GFRA1: variants seen among roughly 807,000 people sequenced by gnomAD.
The protein encoded by GFRA1 is GDNF family receptor alpha 1, also known as GDNF family receptor alpha-1.
Under a neutral mutation model 51.6 loss-of-function variants are expected in GFRA1, and 16 were observed. The ratio of observed to expected loss-of-function variants is 0.31; its 90% CI spans 0.21 to 0.47. The LOEUF is 0.47. Ranked by LOEUF, GFRA1 falls within the 20% of genes least tolerant of loss-of-function variation. The pLI is 1.00. For missense variants in GFRA1, 530 were observed against 594.3 expected, an observed-to-expected ratio of 0.89 and a Z score of 1.13; for synonymous variants, 270 against 241.3, an observed-to-expected ratio of 1.12 and a Z score of -1.10.
chr10:116,120,549 C>T (rs1191599624), intron 6 of GFRA1, among the ~76,000 whole-genome samples: 8 of 152,288 alleles, frequency 5.3e-5, no homozygotes, highest in African/African-American at 1.7e-4. Context: ...TGCAACACTG[C>T]ACTCCAGCCT....
intron 9 of GFRA1, among the ~76,000 whole-genome samples, chr10:116,082,848 C>T (rs1331174473): frequency 6.6e-6 from 1 of 152,142 alleles, no homozygotes; most frequent in Non-Finnish European, 1.5e-5. Context: ...CTCTGTGGCC[C>T]CCCTGCTCCT....
At chr10:116,105,706 A>G (rs1331227415) in intron 6 of GFRA1, among the ~76,000 whole-genome samples, 4 of 152,218 alleles carry the variant, frequency 2.6e-5, no homozygotes, top group Admixed American at 6.5e-5. Context: ...TGAAAACTAC[A>G]TATTTGGTTC....
At chr10:116,067,770 A>T (rs540778346) in intron 9 of GFRA1, among the ~76,000 whole-genome samples, 1 of 152,274 alleles carries the variant, frequency 6.6e-6, no homozygotes, top group East Asian at 1.9e-4. Flanking sequence ...GGAGGGTTTC[A>T]CACTACATTC....
chr10:116,239,066 C>CAGAG (rs1967138423), intron 4 of GFRA1, among the ~76,000 whole-genome samples: 1 of 152,144 alleles, frequency 6.6e-6, no homozygotes, highest in South Asian at 2.1e-4. Context: ...CCAAGGTGAC[C>CAGAG]AGAGACAGAG....
At chr10:116,267,745 C>G (rs1969776154) in intron 4 of GFRA1, among the ~76,000 whole-genome samples, 1 of 152,138 alleles carries the variant, frequency 6.6e-6, no homozygotes, top group South Asian at 2.1e-4. Flanking sequence ...CCCAGGAGAG[C>G]TTAGGTGGTC....
At chr10:116,161,057 T>C (rs953282203) in intron 5 of GFRA1, among the ~76,000 whole-genome samples, 5 of 152,172 alleles carry the variant, frequency 3.3e-5, no homozygotes, top group African/African-American at 1.2e-4. Context: ...AGGAGGAGCC[T>C]GGGAGGCAGA....
chr10:116,192,736 G>A (rs867765127), intron 5 of GFRA1, among the ~76,000 whole-genome samples: 4 of 152,102 alleles, frequency 2.6e-5, no homozygotes, highest in Non-Finnish European at 4.4e-5. Flanking sequence ...ATGGGAGTGC[G>A]GGGCTGAACC....
intron 6 of GFRA1, among the ~76,000 whole-genome samples, chr10:116,115,609 C>G (rs976948539): frequency 1.3e-5 from 2 of 152,174 alleles, no homozygotes; most frequent in African/African-American, 2.4e-5. Context: ...GATTTCCCCA[C>G]GCGAAGATGA....
intron 4 of GFRA1, among the ~76,000 whole-genome samples, chr10:116,261,703 T>C (rs1969315119): frequency 6.6e-6 from 1 of 152,176 alleles, no homozygotes; most frequent in Admixed American, 6.5e-5. Flanking sequence ...ATGAATAAAA[T>C]GCTAGAAAGA....
intron 4 of GFRA1, among the ~76,000 whole-genome samples, chr10:116,241,859 TA>T (rs1967409467): frequency 6.6e-6 from 1 of 152,156 alleles, no homozygotes; most frequent in African/African-American, 2.4e-5. Context: ...CAGCCATTCT[TA>T]CTGGAAGGCA....
intron 4 of GFRA1, among the ~76,000 whole-genome samples, chr10:116,241,816 C>A (rs1967404581): frequency 6.6e-6 from 1 of 152,140 alleles, no homozygotes; most frequent in Non-Finnish European, 1.5e-5. Flanking sequence ...AAGGAAGTTT[C>A]AACACTAAGA....
chr10:116,210,194 C>T (rs2134437661), intron 5 of GFRA1, among the ~76,000 whole-genome samples: 1 of 152,246 alleles, frequency 6.6e-6, no homozygotes, highest in African/African-American at 2.4e-5. Flanking sequence ...TTACAACCAC[C>T]ATGAACGCTC....
chr10:116,127,046 A>C (rs1418669163), intron 5 of GFRA1, among the ~76,000 whole-genome samples: 2 of 152,116 alleles, frequency 1.3e-5, no homozygotes, highest in Non-Finnish European at 2.9e-5. Context: ...AAAATAGTCA[A>C]ACTCAAAAGA....
intron 5 of GFRA1, among the ~76,000 whole-genome samples, chr10:116,167,735 G>C (rs1234278964): frequency 1.3e-5 from 2 of 152,144 alleles, no homozygotes; most frequent in Admixed American, 1.3e-4. Flanking sequence ...GCAGGTCTAG[G>C]GAGGATCCCA....
Position 116,156,773 on chromosome 10 carries a change from A to C in GFRA1, c.434-31216T>G, listed in dbSNP as rs560241161. ...TAATCTCTGCTATTGTGGAAGGAAA[A>C]CCCAATTAGAGATGATATTTCATTG... On this transcript the variant is annotated intron_variant, in intron 5 of 10. Coordinates refer to ENST00000355422, the MANE Select transcript of GFRA1 (RefSeq NM_005264.8). Among the ~76,000 whole-genome samples, 4 of 152,288 alleles carry C rather than the reference A, an allele frequency of 2.6e-5. No homozygotes were observed. In the South Asian group the frequency reaches 8.3e-4, roughly 32 times the overall value.
chr10:116,123,797 T>C (rs1957742695), intron 6 of GFRA1, among the ~76,000 whole-genome samples: 1 of 152,164 alleles, frequency 6.6e-6, no homozygotes, highest in South Asian at 2.1e-4. Flanking sequence ...AGGACACACA[T>C]GAAATGGTTA....
intron 4 of GFRA1, among the ~76,000 whole-genome samples, chr10:116,234,375 G>C (rs1311696180): frequency 1.3e-5 from 2 of 152,190 alleles, no homozygotes; most frequent in Admixed American, 6.5e-5. Context: ...ACAGGGCCTA[G>C]AATCCTAAAA....
At chr10:116,140,182 A>G (rs2134088995) in intron 5 of GFRA1, among the ~76,000 whole-genome samples, 1 of 152,280 alleles carries the variant, frequency 6.6e-6, no homozygotes. Context: ...GACTGGCTTG[A>G]CTCAGGAAGG....
chr10:116,114,573 T>C (rs868022140), intron 6 of GFRA1, among the ~76,000 whole-genome samples: 5 of 152,132 alleles, frequency 3.3e-5, no homozygotes, highest in Non-Finnish European at 7.4e-5. Flanking sequence ...TTATTTTTAA[T>C]TTTTTTAGAG....
Sources: gnomAD v4.1 joint callset for allele counts (sites outside exome capture counted in the v4.1 genomes callset) on GRCh38, gnomAD v4.1.1 for gene constraint, MANE v1.5 for transcripts, NCBI Gene and HGNC (gene_info 2026-07-23, HGNC 2026-07-21) for gene names.